SLC37A1: variants seen among roughly 807,000 people sequenced by gnomAD.
SLC37A1 encodes glucose-6-phosphate exchanger SLC37A1.
A neutral mutation model predicts 75.3 loss-of-function variants in SLC37A1; 49 were observed. The ratio of observed to expected loss-of-function variants is 0.65; its 90% CI spans 0.52 to 0.83. The LOEUF is 0.83. Ranked by LOEUF, SLC37A1 falls within the 40% of genes least tolerant of loss-of-function variation. The pLI is 0.00. For synonymous variants in SLC37A1, 268 were observed against 292.1 expected, an observed-to-expected ratio of 0.92 and a Z score of 0.84; for missense variants, 566 against 695.0, an observed-to-expected ratio of 0.81 and a Z score of 2.09.
At chr21:42,557,157 C>T (rs1291730512) in intron 10 of SLC37A1, among the ~76,000 whole-genome samples, 2 of 152,214 alleles carry the variant, frequency 1.3e-5, no homozygotes, top group Non-Finnish European at 2.9e-5. Flanking sequence ...TAAGCGGCCT[C>T]GTTCCGCTTG....
At chr21:42,529,796 G>A (rs1342080581) in intron 3 of SLC37A1, among the ~76,000 whole-genome samples, 4 of 152,182 alleles carry the variant, frequency 2.6e-5, no homozygotes, top group African/African-American at 9.7e-5. Context: ...ACTGTGCTCA[G>A]TGGCTGGCAC....
At chr21:42,567,089 G>C (rs1300624032) in intron 16 of SLC37A1, 31 bp downstream of exon 16, 1 of 1,604,992 alleles carries the variant, frequency 6.2e-7, no homozygotes, top group Admixed American at 1.7e-5. Flanking sequence ...CACCAGCCCT[G>C]TGGGCACCCT....
rs192018053 is a variant in SLC37A1, at chr21:42,526,454, A to G, written c.138+597A>G. 7.5e-4 allele frequency among the ~76,000 whole-genome samples: 114 copies of G among 152,370 alleles called. 2 individuals are homozygous for G. In the East Asian group the frequency reaches 0.015, roughly 20 times the overall value. On this transcript the variant is annotated intron_variant, in intron 3 of 19. Transcript: ENST00000352133. ...GGGCCTGAGAGGCATTAGAGTCTCT[A>G]TCGTAGAAGAACGAGGAAATCATCC...
In SLC37A1 at chr21:42,548,827, T is replaced by C. The variant is rs1287146453; in HGVS notation, c.768+1687T>C. On this transcript the variant is annotated intron_variant, in intron 9 of 19. Coordinates refer to ENST00000352133, the MANE Select transcript of SLC37A1 (RefSeq NM_001320537.2). This position sits in a 1 kb window ranked among gnomAD's most constrained non-coding sequence, Gnocchi z 5.6. ...GTGCGAGCCCCTCGGGCCTGGATCA[T>C]CACTGGGTCCCGGCACCTGGGGCAG... Among the ~76,000 whole-genome samples the C allele has an allele frequency of 6.6e-6, 1 of 152,174 alleles. No individual in the cohort carries two copies. Among genetic ancestry groups the C allele is most frequent in the East Asian group, 1.9e-4 (1 of 5,196 alleles).
rs375704243 is a variant in SLC37A1, at chr21:42,519,025, G to C, written c.56+515G>C. ...CTCATTAATTCCATTCTCCTTGAAG[G>C]AAACAGTTGACAAGCCCAGAGTCTG... On this transcript the variant is annotated intron_variant, in intron 2 of 19. Coordinates refer to ENST00000352133, the MANE Select transcript of SLC37A1 (RefSeq NM_001320537.2). 1.3e-3 allele frequency among the ~76,000 whole-genome samples: 194 copies of C among 152,268 alleles called. 3 individuals are homozygous for C. The South Asian group carries it at 0.023, about 18-fold the overall frequency.
chr21:42,556,338 A>G (rs7276560), intron 10 of SLC37A1, among the ~76,000 whole-genome samples: 21,399 of 152,144 alleles, frequency 0.14, 2,143 homozygotes, highest in African/African-American at 0.28. Context: ...CGGCGTGAGC[A>G]CGGAGTGGGT....
chr21:42,562,952 G>A (rs2055871684), intron 12 of SLC37A1, among the ~76,000 whole-genome samples: 1 of 152,126 alleles, frequency 6.6e-6, no homozygotes, highest in Non-Finnish European at 1.5e-5. Context: ...ACCTATTCTG[G>A]GGATGCAGAT....
intron 2 of SLC37A1, among the ~76,000 whole-genome samples, chr21:42,524,867 T>C (rs1054513426): frequency 6.6e-6 from 1 of 152,330 alleles, no homozygotes; most frequent in African/African-American, 2.4e-5. Context: ...ATGAGGTGAC[T>C]GTGGCGGGCC....
intron 2 of SLC37A1, 77 bp downstream of exon 2, chr21:42,518,587 C>A: frequency 6.6e-7 from 1 of 1,508,468 alleles, no homozygotes; most frequent in South Asian, 1.1e-5. Flanking sequence ...TTGTGTTGCC[C>A]CAGTTTCATT....
At chr21:42,575,571 C>T (rs1217571364) in intron 18 of SLC37A1, 2 of 985,178 alleles carry the variant, frequency 2.0e-6, no homozygotes, top group African/African-American at 3.5e-5. Context: ...ATGTCACAGT[C>T]ACATAGATGT....
At chr21:42,505,182 G>A (rs558704954) in intron 2 of SLC37A1, among the ~76,000 whole-genome samples, 26 of 152,098 alleles carry the variant, frequency 1.7e-4, no homozygotes, top group Non-Finnish European at 3.4e-4. Context: ...TTTCAGTAGT[G>A]AAGTCCAGAC....
chr21:42,536,022 C>T (rs1333080166), intron 5 of SLC37A1, among the ~76,000 whole-genome samples: 1 of 152,218 alleles, frequency 6.6e-6, no homozygotes, highest in Non-Finnish European at 1.5e-5. Context: ...CCTGGATGCC[C>T]AGCTTGGCCC....
At chr21:42,525,365 C>A (rs1239075090) in intron 2 of SLC37A1, among the ~76,000 whole-genome samples, 1 of 152,244 alleles carries the variant, frequency 6.6e-6, no homozygotes, top group African/African-American at 2.4e-5. Flanking sequence ...AGCGGGGCAG[C>A]CTCGGCCGGA....
chr21:42,532,341 ATC>A (rs1435160474), intron 3 of SLC37A1, among the ~76,000 whole-genome samples: 2 of 152,210 alleles, frequency 1.3e-5, no homozygotes, highest in Non-Finnish European at 2.9e-5. Flanking sequence ...GGCCTGCAGA[ATC>A]TCTTTTTCCT....
chr21:42,554,038 T>G (rs1360520589), intron 9 of SLC37A1, 24 bp from the exon 10 acceptor site: 1 of 1,594,448 alleles, frequency 6.3e-7, no homozygotes, highest in Admixed American at 1.7e-5. Flanking sequence ...AGTATCGCTC[T>G]AATGAAACTT....
chr21:42,577,259 A>G (rs2056327949), intron 18 of SLC37A1, among the ~76,000 whole-genome samples: 2 of 152,256 alleles, frequency 1.3e-5, no homozygotes, highest in African/African-American at 2.4e-5. Context: ...AGTATTGACC[A>G]TATAAAATAG....
At chr21:42,499,697 A>C (rs1027104995) in exon 1 of SLC37A1, 2 of 152,210 alleles carry the variant, frequency 1.3e-5, no homozygotes, top group Non-Finnish European at 2.9e-5. Context: ...CCCTCGAGAG[A>C]GTGGAGGGCA....
At chr21:42,510,934 AT>A (rs1413491332), upstream of SLC37A1, among the ~76,000 whole-genome samples, 1 of 152,244 alleles carries the variant, frequency 6.6e-6, no homozygotes, top group Non-Finnish European at 1.5e-5. Context: ...CAATGAATAG[AT>A]GATCCAGACA....
chr21:42,549,023 A>G (rs907676327), intron 9 of SLC37A1, among the ~76,000 whole-genome samples: 1 of 152,236 alleles, frequency 6.6e-6, no homozygotes, highest in African/African-American at 2.4e-5. Context: ...ACACCATATG[A>G]TGTTCTTAAA....
Sources: allele counts gnomAD v4.1 joint callset (sites outside exome capture counted in the v4.1 genomes callset), GRCh38; gene constraint gnomAD v4.1.1; non-coding constraint Gnocchi (gnomAD v3.1); transcripts MANE v1.5; gene names NCBI Gene and HGNC (gene_info 2026-07-23, HGNC 2026-07-21).